The following CDK14 variants were observed in gnomAD, a reference collection of about 807,000 sequenced individuals.
CDK14 encodes cyclin-dependent kinase 14.
In CDK14, 34 loss-of-function variants were observed where a neutral mutation model predicts 60.7. That is an observed-to-expected ratio of 0.56 (90% CI 0.43 to 0.75). The LOEUF (loss-of-function observed/expected upper bound fraction) is 0.75. CDK14 is among the 30% of genes least tolerant of loss of function. The pLI is 0.00. For missense variants in CDK14, 482 were observed against 564.1 expected (o/e 0.85, Z 1.47); for synonymous variants, 197 against 203.7 (o/e 0.97, Z 0.28).
intron 6 of CDK14, among the ~76,000 whole-genome samples, chr7:90,868,292 T>TAC (rs149221130): frequency 0.059 from 8,420 of 142,528 alleles, 348 homozygotes; most frequent in South Asian, 0.09. Flanking sequence ...ATATACACAC[T>TAC]ATATATATAT....
chr7:90,946,992 G>T (rs143232569), intron 8 of CDK14, among the ~76,000 whole-genome samples: 1 of 152,048 alleles, frequency 6.6e-6, no homozygotes, highest in African/African-American at 2.4e-5. Context: ...AACAGACAAC[G>T]CAGATAAGAG....
At chr7:90,950,603 G>A (rs578032531) in intron 8 of CDK14, among the ~76,000 whole-genome samples, 2 of 152,302 alleles carry the variant, frequency 1.3e-5, no homozygotes, top group Admixed American at 1.3e-4. Flanking sequence ...GTGAATGGAT[G>A]GATGGTGATG....
rs890022013 is a variant in CDK14, at chr7:90,960,549, C to A, written c.947+4732C>A. On this transcript the variant is annotated intron_variant, in intron 9 of 14. Transcript: ENST00000380050. ...GCAGCTGGGTGGTTAGAAAAAATTTCCATACCACTCTTGATATATAGAAAA... is the reference window on the plus strand; with the variant it reads ...GCAGCTGGGTGGTTAGAAAAAATTTACATACCACTCTTGATATATAGAAAA... Among the ~76,000 whole-genome samples, 10 of 151,994 alleles carry A rather than the reference C, an allele frequency of 6.6e-5. No homozygotes were observed. In the South Asian group the frequency reaches 1.9e-3, roughly 28 times the overall value.
At chr7:91,153,697 A>G (rs1294210157) in intron 14 of CDK14, among the ~76,000 whole-genome samples, 1 of 152,158 alleles carries the variant, frequency 6.6e-6, no homozygotes, top group Admixed American at 6.6e-5. Context: ...ACATGGACAC[A>G]TAGAGGGAAA....
At chr7:90,910,880 A>G (rs1255802494) in intron 7 of CDK14, among the ~76,000 whole-genome samples, 1 of 152,094 alleles carries the variant, frequency 6.6e-6, no homozygotes. Flanking sequence ...TTCATCACTC[A>G]GGTATTAAGC....
At chr7:91,083,136 A>G (rs1798529304) in intron 12 of CDK14, among the ~76,000 whole-genome samples, 1 of 151,574 alleles carries the variant, frequency 6.6e-6, no homozygotes, top group African/African-American at 2.4e-5. Flanking sequence ...CATTTTTGTT[A>G]TAATTCTATT....
intron 8 of CDK14, among the ~76,000 whole-genome samples, chr7:90,918,045 G>A (rs1042995091): frequency 5.3e-5 from 8 of 151,810 alleles, no homozygotes; most frequent in African/African-American, 1.9e-4. Context: ...TCTATTTTTT[G>A]AAACTTTTAT....
chr7:91,154,168 C>CA (rs1194024291), intron 14 of CDK14, among the ~76,000 whole-genome samples: 3 of 149,066 alleles, frequency 2.0e-5, no homozygotes, highest in Admixed American at 2.0e-4. Context: ...TTTGTCTTTG[C>CA]TTTTTTTTTT....
chr7:90,642,501 G>T (rs1463485584), intron 2 of CDK14, among the ~76,000 whole-genome samples: 1 of 151,896 alleles, frequency 6.6e-6, no homozygotes, highest in Non-Finnish European at 1.5e-5. Flanking sequence ...CTGACACTCA[G>T]AAAAAATGAA....
chr7:90,678,885 A>G (rs1362626872), intron 2 of CDK14, among the ~76,000 whole-genome samples: 3 of 152,252 alleles, frequency 2.0e-5, no homozygotes, highest in African/African-American at 7.2e-5. Flanking sequence ...ATCCACCTTA[A>G]ATCAGTAGCC....
chr7:90,926,501 A>T (rs532993590), intron 8 of CDK14, among the ~76,000 whole-genome samples: 2 of 152,202 alleles, frequency 1.3e-5, no homozygotes, highest in South Asian at 4.1e-4. Context: ...GGCTTTAATA[A>T]TGTTCCTGTT....
At chr7:90,697,164 G>A (rs1434164395) in intron 2 of CDK14, among the ~76,000 whole-genome samples, 1 of 152,170 alleles carries the variant, frequency 6.6e-6, no homozygotes, top group Non-Finnish European at 1.5e-5. Flanking sequence ...TAGCAGCTGA[G>A]AGCGGTTCAG....
intron 11 of CDK14, among the ~76,000 whole-genome samples, chr7:91,071,617 A>G (rs1798150313): frequency 6.6e-6 from 1 of 152,214 alleles, no homozygotes; most frequent in Admixed American, 6.5e-5. Flanking sequence ...ACAGCCACTA[A>G]GCTAGAATCT....
chr7:90,766,217 C>T (rs1394209487), intron 4 of CDK14, among the ~76,000 whole-genome samples: 1 of 151,248 alleles, frequency 6.6e-6, no homozygotes, highest in Non-Finnish European at 1.5e-5. Flanking sequence ...GAATTTTCTT[C>T]CTTGATACCA....
At chr7:91,124,353 A>C (rs1316555466) in intron 14 of CDK14, among the ~76,000 whole-genome samples, 2 of 152,210 alleles carry the variant, frequency 1.3e-5, no homozygotes, top group African/African-American at 4.8e-5. Context: ...CATCACATAC[A>C]AATTTGTGCA....
At chr7:90,629,456 G>A (rs1180743317) in intron 2 of CDK14, among the ~76,000 whole-genome samples, 1 of 152,130 alleles carries the variant, frequency 6.6e-6, no homozygotes, top group African/African-American at 2.4e-5. Context: ...TCTGTCCCTA[G>A]TCAATACTTT....
At chr7:90,937,611 C>T (rs1348402365) in intron 8 of CDK14, among the ~76,000 whole-genome samples, 1 of 152,172 alleles carries the variant, frequency 6.6e-6, no homozygotes, top group Non-Finnish European at 1.5e-5. Context: ...AGGAGATATT[C>T]TAGACCAGAG....
At chr7:91,185,110 C>T (rs1802129888) in intron 14 of CDK14, among the ~76,000 whole-genome samples, 1 of 147,844 alleles carries the variant, frequency 6.8e-6, no homozygotes, top group South Asian at 2.3e-4. Flanking sequence ...TTGAGTATCT[C>T]GTATGTCCCA....
intron 9 of CDK14, among the ~76,000 whole-genome samples, chr7:90,967,847 ATCAT>A (rs1794801909): frequency 6.6e-6 from 1 of 152,216 alleles, no homozygotes; most frequent in Non-Finnish European, 1.5e-5. Flanking sequence ...GAAAAAGTGG[ATCAT>A]TAACTTATAT....
Sources: gnomAD v4.1 joint callset for allele counts (sites outside exome capture counted in the v4.1 genomes callset) on GRCh38, gnomAD v4.1.1 for gene constraint, MANE v1.5 for transcripts, NCBI Gene and HGNC (gene_info 2026-07-23, HGNC 2026-07-21) for gene names.